The following SLC8A1 variants were observed in gnomAD, a reference collection of about 807,000 sequenced individuals.
SLC8A1 encodes the protein solute carrier family 8 member A1, also known as sodium/calcium exchanger 1.
Under a neutral mutation model 68.3 loss-of-function variants are expected in SLC8A1, and 18 were observed. The ratio of observed to expected loss-of-function variants is 0.26; its 90% confidence interval spans 0.18 to 0.39. SLC8A1 has a LOEUF of 0.39. SLC8A1 is among the 10% of genes least tolerant of loss of function. The probability of loss-of-function intolerance (pLI) is 1.00; values close to 1 mark genes in which losing one functional copy is unlikely to be tolerated. For synonymous variants in SLC8A1, 475 were observed against 415.5 expected, an observed-to-expected ratio of 1.14 and a Z score of -1.74; for missense variants, 985 against 1,156.7, an observed-to-expected ratio of 0.85 and a Z score of 2.15.
exon 8 of SLC8A1, chr2:40,100,234 CTT>C (rs1177518582): frequency 6.6e-6 from 1 of 152,046 alleles, no homozygotes; most frequent in East Asian, 1.9e-4. Context: ...CAATATGTAA[CTT>C]TTTTTCTTAA....
intron 2 of SLC8A1, among the ~76,000 whole-genome samples, chr2:40,387,795 G>C (rs1269805067): frequency 6.6e-6 from 1 of 151,870 alleles, no homozygotes; most frequent in African/African-American, 2.4e-5. Flanking sequence ...AAAATTAGCG[G>C]GTGTGGTGGC....
chr2:40,316,018 A>G lies in SLC8A1; in HGVS notation c.1808+112455T>C, dbSNP rs2074398385. On this transcript the variant is annotated intron_variant, in intron 2 of 7. Transcript: ENST00000406785. ...AAATAGTCCATAGGTTCTGCATACA[A>G]GCATCACATGCAAAAAAACGTGATA... Among the ~76,000 whole-genome samples the G allele has an allele frequency of 3.9e-5, 6 of 152,204 alleles. No homozygotes were observed. In the South Asian group the frequency reaches 1.2e-3, roughly 32 times the overall value.
In SLC8A1 at chr2:40,385,738, C is replaced by T. The variant is rs571404870; in HGVS notation, c.1808+42735G>A. On this transcript the variant is annotated intron_variant, in intron 2 of 7. Coordinates refer to ENST00000406785, the Ensembl canonical transcript of SLC8A1. ...GTTTTAAACTTCATGCTTTTTGATT[C>T]AGTAAATCCCCTTAAAGGAATCTAT... Among the ~76,000 whole-genome samples, 68 of 151,330 alleles carry T rather than the reference C, an allele frequency of 4.5e-4. 4 individuals are homozygous for T. The highest frequency in any genetic ancestry group is 1.6e-3 in the African/African-American group (66 of 40,800).
At chr2:40,466,743 T>C (rs924860935) in intron 1 of SLC8A1, among the ~76,000 whole-genome samples, 1 of 152,142 alleles carries the variant, frequency 6.6e-6, no homozygotes, top group Non-Finnish European at 1.5e-5. Flanking sequence ...GTTGGTTTGT[T>C]GAATGTGTCT....
At chr2:40,178,487 T>A in intron 2 of SLC8A1, 1 of 1,611,902 alleles carries the variant, frequency 6.2e-7, no homozygotes. Flanking sequence ...TGACTGATAT[T>A]GTTTTGCTGA....
chr2:40,167,610 G>T (rs2046769421), intron 4 of SLC8A1, among the ~76,000 whole-genome samples: 1 of 152,108 alleles, frequency 6.6e-6, no homozygotes, highest in Non-Finnish European at 1.5e-5. Context: ...CTACACTCTT[G>T]CTTCAAAGGG....
At chr2:40,284,303 G>A (rs2067944890) in intron 2 of SLC8A1, among the ~76,000 whole-genome samples, 1 of 147,944 alleles carries the variant, frequency 6.8e-6, no homozygotes, top group East Asian at 2.0e-4. Flanking sequence ...TATATTTAGA[G>A]AAATGTTATA....
chr2:40,389,965 G>A (rs1684774619), intron 2 of SLC8A1, among the ~76,000 whole-genome samples: 2 of 151,304 alleles, frequency 1.3e-5, no homozygotes, highest in African/African-American at 4.9e-5. Context: ...CAGTGAATCT[G>A]GTATTCTACC....
intron 2 of SLC8A1, among the ~76,000 whole-genome samples, chr2:40,380,679 T>C (rs1042780983): frequency 1.3e-5 from 2 of 152,112 alleles, no homozygotes; most frequent in African/African-American, 4.8e-5. Flanking sequence ...ATGTTATTGC[T>C]ACACTTACTG....
At chr2:40,147,303 TG>T (rs975886375) in intron 6 of SLC8A1, among the ~76,000 whole-genome samples, 2 of 152,202 alleles carry the variant, frequency 1.3e-5, no homozygotes, top group African/African-American at 4.8e-5. Context: ...TGTGTGTTTT[TG>T]CCCCAAGCTT....
chr2:40,391,016 T>G (rs1448731569), intron 2 of SLC8A1, among the ~76,000 whole-genome samples: 1 of 152,086 alleles, frequency 6.6e-6, no homozygotes, highest in Non-Finnish European at 1.5e-5. Flanking sequence ...GAAAGATTAC[T>G]GACAAGATCA....
chr2:40,361,587 C>T (rs955759927), intron 2 of SLC8A1, among the ~76,000 whole-genome samples: 3 of 151,820 alleles, frequency 2.0e-5, no homozygotes, highest in Non-Finnish European at 2.9e-5. Flanking sequence ...ATCTGAAGTG[C>T]AATCAAGAAC....
At chr2:40,477,672 T>A (rs1313109542) in intron 1 of SLC8A1, among the ~76,000 whole-genome samples, 2 of 152,162 alleles carry the variant, frequency 1.3e-5, no homozygotes, top group Non-Finnish European at 2.9e-5. Context: ...TCCTTTAAGT[T>A]GAACTACTGA....
At chr2:40,348,914 G>T (rs1024267467) in intron 2 of SLC8A1, among the ~76,000 whole-genome samples, 7 of 152,170 alleles carry the variant, frequency 4.6e-5, no homozygotes, top group Non-Finnish European at 8.8e-5. Context: ...CTAATGAAGA[G>T]AAAAATGACT....
At chr2:40,395,369 C>G (rs921477703) in intron 2 of SLC8A1, among the ~76,000 whole-genome samples, 2 of 152,096 alleles carry the variant, frequency 1.3e-5, no homozygotes, top group African/African-American at 4.8e-5. Flanking sequence ...GTAAACATAC[C>G]TATCTAGAAC....
At chr2:40,478,491 C>CAACT (rs1248328053) in intron 1 of SLC8A1, among the ~76,000 whole-genome samples, 1 of 152,118 alleles carries the variant, frequency 6.6e-6, no homozygotes, top group East Asian at 1.9e-4. Flanking sequence ...CTATTTAAAG[C>CAACT]AACATGAGTT....
chr2:40,160,325 T>G (rs1238647218), intron 6 of SLC8A1, among the ~76,000 whole-genome samples: 1 of 152,176 alleles, frequency 6.6e-6, no homozygotes. Flanking sequence ...ATTTGTTGCA[T>G]GTTGTTGAAG....
chr2:40,220,245 A>G (rs2058123195), intron 2 of SLC8A1: 1 of 152,182 alleles, frequency 6.6e-6, no homozygotes, highest in Non-Finnish European at 1.5e-5. Context: ...AGTGGAGAGA[A>G]GAAGAAAAAA....
intron 6 of SLC8A1, among the ~76,000 whole-genome samples, chr2:40,153,821 G>C (rs2043910014): frequency 6.6e-6 from 1 of 152,138 alleles, no homozygotes; most frequent in South Asian, 2.1e-4. Context: ...TCCAGTAACT[G>C]ATCCTGCCTA....
Sources: gnomAD v4.1 joint callset for allele counts (sites outside exome capture counted in the v4.1 genomes callset) on GRCh38, gnomAD v4.1.1 for gene constraint, MANE v1.5 for transcripts, NCBI Gene and HGNC (gene_info 2026-07-23, HGNC 2026-07-21) for gene names.